The following SUMF1 variants were observed in gnomAD, a reference collection of about 807,000 sequenced individuals.
SUMF1 encodes the protein sulfatase modifying factor 1, also known as formylglycine-generating enzyme.
A neutral mutation model predicts 47.6 loss-of-function variants in SUMF1; 48 were observed. The ratio of observed to expected loss-of-function variants is 1.01; its 90% confidence interval spans 0.80 to 1.28. The LOEUF (loss-of-function observed/expected upper bound fraction) is 1.28. SUMF1 is among the 50% of genes most tolerant of loss of function. SUMF1 has a pLI of 0.00. For synonymous variants in SUMF1, 230 were observed against 192.1 expected (o/e 1.20, Z -1.63); for missense variants, 571 against 485.4 (o/e 1.18, Z -1.66).
At chr3:4,100,615 G>A (rs962239797) in intron 8 of SUMF1, among the ~76,000 whole-genome samples, 3 of 151,928 alleles carry the variant, frequency 2.0e-5, no homozygotes, top group Non-Finnish European at 2.9e-5. Context: ...AGTGGTCTGG[G>A]CAATGATTTC....
chr3:4,285,870 C>A (rs1324259833), intron 8 of SUMF1, among the ~76,000 whole-genome samples: 1 of 151,766 alleles, frequency 6.6e-6, no homozygotes, highest in African/African-American at 2.4e-5. Flanking sequence ...ATGCAATAAG[C>A]AAAAAAAGTT....
chr3:4,240,634 ATAT>A (rs1443178831), intron 8 of SUMF1, among the ~76,000 whole-genome samples: 1 of 152,102 alleles, frequency 6.6e-6, no homozygotes, highest in Non-Finnish European at 1.5e-5. Flanking sequence ...TGATAGTGAG[ATAT>A]TATAAGCAAC....
intron 3 of SUMF1, among the ~76,000 whole-genome samples, chr3:4,440,487 G>A (rs1333949253): frequency 6.6e-6 from 1 of 152,114 alleles, no homozygotes; most frequent in Non-Finnish European, 1.5e-5. Context: ...TAACTGGATC[G>A]CATCCTTATT....
chr3:4,229,331 C>T (rs937270458), intron 8 of SUMF1: 3 of 413,556 alleles, frequency 7.3e-6, no homozygotes, highest in African/African-American at 4.2e-5. Flanking sequence ...TCTGGTGAGC[C>T]TTTGATAATC....
chr3:4,451,172 A>G (rs1702955430), intron 2 of SUMF1, among the ~76,000 whole-genome samples: 1 of 152,196 alleles, frequency 6.6e-6, no homozygotes, highest in African/African-American at 2.4e-5. Flanking sequence ...CTATAGTATT[A>G]AATATGCTCT....
At chr3:4,179,614 A>T (rs917666526) in intron 8 of SUMF1, among the ~76,000 whole-genome samples, 1 of 152,308 alleles carries the variant, frequency 6.6e-6, no homozygotes, top group African/African-American at 2.4e-5. Context: ...AGGCAATACC[A>T]TTCAGGACAT....
At chr3:4,057,606 C>A (rs1032063212) in intron 9 of SUMF1, among the ~76,000 whole-genome samples, 1 of 152,088 alleles carries the variant, frequency 6.6e-6, no homozygotes, top group African/African-American at 2.4e-5. Flanking sequence ...GAGAATAATG[C>A]CCTGTGCCTC....
At chr3:4,241,963 G>A (rs1559602955) in intron 8 of SUMF1, among the ~76,000 whole-genome samples, 1 of 152,152 alleles carries the variant, frequency 6.6e-6, no homozygotes, top group Non-Finnish European at 1.5e-5. Context: ...ATGCAAATGG[G>A]CTTTCCACTT....
intron 7 of SUMF1, among the ~76,000 whole-genome samples, chr3:4,388,632 GTC>G (rs1559265739): frequency 1.3e-5 from 2 of 151,260 alleles, no homozygotes; most frequent in Non-Finnish European, 3.0e-5. Context: ...CTATTTTTTT[GTC>G]TCTGTTTTCC....
At chr3:4,412,905 A>T (rs1274541815) in intron 6 of SUMF1, among the ~76,000 whole-genome samples, 1 of 152,166 alleles carries the variant, frequency 6.6e-6, no homozygotes, top group Non-Finnish European at 1.5e-5. Flanking sequence ...ACAAACAAAA[A>T]CAGATGAAAC....
chr3:4,339,279 A>G (rs1297089909), intron 8 of SUMF1, among the ~76,000 whole-genome samples: 1 of 151,816 alleles, frequency 6.6e-6, no homozygotes, highest in Admixed American at 6.6e-5. Flanking sequence ...AACTTGTCCC[A>G]TTTTCCTTGT....
chr3:4,365,448 T>C (rs1699920652), intron 8 of SUMF1, among the ~76,000 whole-genome samples: 2 of 127,364 alleles, frequency 1.6e-5, no homozygotes, highest in African/African-American at 5.5e-5. Context: ...TGTTGTTGAA[T>C]TGATCCCTTT....
chr3:4,293,306 A>C (rs1697777318), intron 8 of SUMF1, among the ~76,000 whole-genome samples: 1 of 152,198 alleles, frequency 6.6e-6, no homozygotes, highest in African/African-American at 2.4e-5. Flanking sequence ...GTTGCAAAGA[A>C]AGCTCAATTT....
intron 8 of SUMF1, among the ~76,000 whole-genome samples, chr3:4,244,445 C>T (rs1160735146): frequency 6.6e-6 from 1 of 152,166 alleles, no homozygotes; most frequent in Admixed American, 6.5e-5. Flanking sequence ...ACTTGTAAGG[C>T]AGGCCTGGTG....
intron 8 of SUMF1, among the ~76,000 whole-genome samples, chr3:4,312,525 A>G (rs578149878): frequency 3.3e-5 from 5 of 152,178 alleles, no homozygotes; most frequent in South Asian, 4.2e-4. Flanking sequence ...ATCCTTATAC[A>G]TACCTAAAAT....
chr3:4,125,401 A>G (rs1465002699), intron 8 of SUMF1, among the ~76,000 whole-genome samples: 1 of 152,160 alleles, frequency 6.6e-6, no homozygotes, highest in Admixed American at 6.5e-5. Flanking sequence ...ATCTTTACAA[A>G]GCACTAAAAT....
At chr3:4,240,174 A>G (rs1270926189) in intron 8 of SUMF1, among the ~76,000 whole-genome samples, 2 of 152,170 alleles carry the variant, frequency 1.3e-5, no homozygotes, top group Admixed American at 1.3e-4. Flanking sequence ...GTTTGCCAGT[A>G]TTTTATTGAG....
chr3:4,121,904 C>A (rs1693553100), intron 8 of SUMF1, among the ~76,000 whole-genome samples: 1 of 152,010 alleles, frequency 6.6e-6, no homozygotes, highest in Non-Finnish European at 1.5e-5. Context: ...GTGTGTTGTT[C>A]CCTTCTATGT....
intron 3 of SUMF1, among the ~76,000 whole-genome samples, chr3:4,423,279 T>TACACACACACAC (rs56729932): frequency 2.0e-4 from 29 of 147,224 alleles, no homozygotes; most frequent in East Asian, 6.1e-4. Context: ...GAAACTGTGA[T>TACACACACACAC]ACACACACAC....
Sources: allele counts gnomAD v4.1 joint callset (sites outside exome capture counted in the v4.1 genomes callset), GRCh38; gene constraint gnomAD v4.1.1; transcripts MANE v1.5; gene names NCBI Gene and HGNC (gene_info 2026-07-23, HGNC 2026-07-21).